The following LENG8 variants were observed in gnomAD, a reference collection of about 807,000 sequenced individuals.
LENG8 encodes the protein leukocyte receptor cluster (LRC) member 8.
A neutral mutation model predicts 102.1 loss-of-function variants in LENG8; 28 were observed. The observed-to-expected ratio is 0.27, with a 90% CI of 0.20 to 0.38. LENG8 has a LOEUF of 0.38. Ranked by LOEUF, LENG8 falls within the 10% of genes least tolerant of loss-of-function variation. The pLI is 1.00. For synonymous variants in LENG8, 531 were observed against 456.7 expected, an observed-to-expected ratio of 1.16 and a Z score of -2.07; for missense variants, 1,022 against 1,113.9, an observed-to-expected ratio of 0.92 and a Z score of 1.17.
At chr19:54,457,319 C>G (rs1393108101) in intron 11 of LENG8, among the ~76,000 whole-genome samples, 1 of 152,188 alleles carries the variant, frequency 6.6e-6, no homozygotes, top group South Asian at 2.1e-4. Context: ...GAGGTGGCCA[C>G]TCTTAACCCA....
At chr19:54,458,675 C>T (rs1462652633) in intron 15 of LENG8, 154 bp downstream of exon 15, 3 of 1,551,934 alleles carry the variant, frequency 1.9e-6, no homozygotes, top group Middle Eastern at 1.7e-4. Flanking sequence ...CAGCCCTCCC[C>T]TCTCCAGTTC....
At chr19:54,455,838 T>C (rs1018270669) in intron 8 of LENG8, 129 bp from the exon 9 acceptor site, 2 of 1,017,394 alleles carry the variant, frequency 2.0e-6, no homozygotes, top group East Asian at 2.6e-5. Flanking sequence ...TTCTGCACTG[T>C]AGTAGCTGAG....
At position 54,461,474 on chromosome 19, in the gene LENG8, C is replaced by T. The variant is rs1455892743; in HGVS notation, c.*546C>T. On this transcript the variant is annotated 3_prime_UTR_variant, in exon 16 of 16. Transcript: ENST00000326764. ...GCTTAGAGACTGTGCCCGTCCTCGG[C>T]CCCCCACCCTGAAGTGCCAGCACCA... The T allele has an allele frequency of 4.3e-6, 2 of 462,386 alleles. No homozygotes were observed. The highest frequency in any genetic ancestry group is 4.7e-5 in the Admixed American group (2 of 42,250). The allele number at this position is 462,386 out of a possible 1,614,324, so 28.6% of individuals were successfully genotyped here. A position where few individuals can be genotyped will look rare whatever the true frequency, so the allele number is the denominator to read the frequency against.
rs944925789 is a variant in LENG8, at chr19:54,461,610, T to A, written c.*682T>A. 2.1e-6 allele frequency: 1 copy of A among 472,028 alleles called. No individual in the cohort carries two copies. The highest frequency in any genetic ancestry group is 4.4e-6 in the Non-Finnish European group (1 of 227,934). 29.2% of individuals were successfully genotyped at this position (472,028 alleles called of 1,614,324 possible). Reference sequence around the variant, plus strand: ...TGTCCCCTCCTCCCTCTGCCCCCAGTGTTTCTTCTGATTTTTTTTTCCCCT... The same window carrying A: ...TGTCCCCTCCTCCCTCTGCCCCCAGAGTTTCTTCTGATTTTTTTTTCCCCT... On this transcript the variant is annotated 3_prime_UTR_variant, in exon 16 of 16. Coordinates refer to ENST00000326764, the MANE Select transcript of LENG8 (RefSeq NM_052925.4).
Position 54,456,068 on chromosome 19 carries a change from G to A in LENG8, c.1127G>A (p.Gly376Glu), listed in dbSNP as rs2084222535. ...PRGAGSATRGGGAPSQRGTPG... is the reference protein window; with the variant it reads ...PRGAGSATRGEGAPSQRGTPG... ...GGGGCAGGCTCGGCGACAAGGGGCGGGGGTGCCCCGTCCCAGCGAGGGACG... is the reference window on the plus strand; with the variant it reads ...GGGGCAGGCTCGGCGACAAGGGGCGAGGGTGCCCCGTCCCAGCGAGGGACG... Residue 376 changes from glycine to glutamate, a missense_variant, in exon 9 of 16, where the codon GGG becomes GAG. By Grantham distance (98) the Gly-to-Glu change is moderately conservative. This residue lies in a region of LENG8 where 326 missense variants were observed against 324.5 expected (regional missense o/e 1.00). Coordinates refer to ENST00000326764, the MANE Select transcript of LENG8 (RefSeq NM_052925.4). 1 of 1,610,252 alleles carries A rather than the reference G, an allele frequency of 6.2e-7. No homozygotes were observed. The highest frequency in any genetic ancestry group is 8.5e-7 in the Non-Finnish European group (1 of 1,177,666).
At position 54,451,308 on chromosome 19, in the gene LENG8, G is replaced by T; in HGVS notation, c.-37G>T. The stretch of plus-strand genomic sequence containing the variant: ...CTCATAGACAGTGAAAAAGCAGTCT[G>T]GCTCCCGAGGTCCACCCCTTATACC... On this transcript the variant is annotated 5_prime_UTR_variant, in exon 2 of 16. Coordinates refer to ENST00000326764, the MANE Select transcript of LENG8 (RefSeq NM_052925.4). The T allele has an allele frequency of 6.2e-7, 1 of 1,612,724 alleles. No individual in the cohort carries two copies. Among genetic ancestry groups the T allele is most frequent in the Non-Finnish European group, 8.5e-7 (1 of 1,178,710 alleles).
intron 4 of LENG8, 88 bp downstream of exon 4, chr19:54,452,840 T>C (rs963352): frequency 0.41 from 374,096 of 901,882 alleles, 81,210 homozygotes; most frequent in East Asian, 0.62. Context: ...GGGATGGGGC[T>C]GGGTGGTGGA....
chr19:54,459,913 T>C, intron 15 of LENG8: 1 of 1,180,720 alleles, frequency 8.5e-7, no homozygotes, highest in Non-Finnish European at 1.1e-6. Context: ...GCTTCTGTGC[T>C]ACACAGGGGT....
In LENG8 at chr19:54,460,942, A is replaced by AGGGGCG. The variant is rs574239111; in HGVS notation, c.*20_*25dup. On this transcript the variant is annotated 3_prime_UTR_variant, in exon 16 of 16. Transcript: ENST00000326764. Reference sequence around the variant, plus strand: ...TCAGCCTTCTGAGCACCCAGCGAGGAGGGGCGGGGGCAGGGGCTGCAGCCC... The same window carrying AGGGGCG: ...TCAGCCTTCTGAGCACCCAGCGAGGAGGGGCGGGGGCGGGGGCAGGGGCTGCAGCCC... 2.0e-5 allele frequency: 31 copies of AGGGGCG among 1,542,134 alleles called. 1 individual carries two copies. In the South Asian group the frequency reaches 2.7e-4, roughly 14 times the overall value.
At position 54,461,884 on chromosome 19, in the gene LENG8, T is replaced by C; in HGVS notation, c.*956T>C. On this transcript the variant is annotated 3_prime_UTR_variant, in exon 16 of 16. Transcript: ENST00000326764. ...ACAGCTGGACTGTCAGGCTGCTTTT[T>C]TTCCAGATGTTCCTCCTCTGCCTCC... 1 of 762,124 alleles carries C rather than the reference T, an allele frequency of 1.3e-6. No homozygotes were observed. Among genetic ancestry groups the C allele is most frequent in the Non-Finnish European group, 2.4e-6 (1 of 420,714 alleles). 47.2% of individuals were successfully genotyped at this position (762,124 alleles called of 1,614,324 possible).
chr19:54,461,890 G>C lies in LENG8; in HGVS notation c.*962G>C, dbSNP rs1431881775. 1.9e-5 allele frequency: 14 copies of C among 744,170 alleles called. No individual in the cohort carries two copies. The highest frequency in any genetic ancestry group is 3.2e-5 in the Non-Finnish European group (13 of 411,782). The allele number at this position is 744,170 out of a possible 1,614,324, so 46.1% of individuals were successfully genotyped here. A position where few individuals can be genotyped will look rare whatever the true frequency, so the allele number is the denominator to read the frequency against. On this transcript the variant is annotated 3_prime_UTR_variant, in exon 16 of 16. Coordinates refer to ENST00000326764, the MANE Select transcript of LENG8 (RefSeq NM_052925.4). The stretch of plus-strand genomic sequence containing the variant: ...GGACTGTCAGGCTGCTTTTTTTCCA[G>C]ATGTTCCTCCTCTGCCTCCCCTTCC...
At chr19:54,453,429 A>G (rs4806762) in intron 4 of LENG8, 117 bp from the exon 5 acceptor site, 288,093 of 686,348 alleles carry the variant, frequency 0.42, 62,899 homozygotes, top group East Asian at 0.62. Flanking sequence ...TAATATAGTG[A>G]AGAGAGAAAG....
rs778935110 is a variant in LENG8, at chr19:54,456,402, AGGGCCG to A, written c.1387_1392del (p.Arg463_Gly464del). The stretch of plus-strand genomic sequence containing the variant: ...GTGGGCCGCAGGAACCCGCCCCCTA[AGGGCCG>A]GGGCGGTCGAGGGGCCCATATGGAT... On this transcript the variant is annotated inframe_deletion, in exon 10 of 16. Transcript: ENST00000326764. 6 of 1,611,374 alleles carry A rather than the reference AGGGCCG, an allele frequency of 3.7e-6. No homozygotes were observed. The Admixed American group carries it at 1.0e-4, about 27-fold the overall frequency.
chr19:54,449,732 G>C (rs2083860354), intron 1 of LENG8: 1 of 152,454 alleles, frequency 6.6e-6, no homozygotes, highest in Admixed American at 6.5e-5. Context: ...CGCCCAGCCT[G>C]CGGGACGGCC....
rs1053132543 is a variant in LENG8 at position 54,454,638 on chromosome 19, C to G, written c.635C>G (p.Pro212Arg). 5.6e-6 allele frequency: 9 copies of G among 1,607,364 alleles called. No individual in the cohort carries two copies. The highest frequency in any genetic ancestry group is 1.7e-5 in the Admixed American group (1 of 59,742). The change falls in exon 6 of 16, where the codon CCT becomes CGT. Residue 212 changes from proline (P) to arginine (R), a missense_variant. This residue lies in a region of LENG8 where 343 missense variants were observed against 320.2 expected (regional missense o/e 1.07). Transcript: ENST00000326764. ...TATGGGCCACACACCTACACCGAAC[C>G]TGCCAAGCCCAAGAAGGGCCAACAG... Reference protein sequence around the residue: ...QAYGPHTYTEPAKPKKGQQLW... With the variant: ...QAYGPHTYTERAKPKKGQQLW...
At chr19:54,449,333 AGGCGGGCG>A (rs2083818278) in intron 1 of LENG8, 23 bp downstream of exon 1, 1 of 152,304 alleles carries the variant, frequency 6.6e-6, no homozygotes, top group African/African-American at 2.4e-5. Context: ...GCAGGCGAGC[AGGCGGGCG>A]GGGATAGCAT....
Position 54,459,317 on chromosome 19 carries a change from A to G in LENG8, c.2240+796A>G, listed in dbSNP as rs970443879. On this transcript the variant is annotated intron_variant, in intron 15 of 15. Transcript: ENST00000326764. ...GGAGAAATTCTGGTCGAAGAGGTTG[A>G]CCGGTAGACTGAAGAGGCCTTGAGA... 1.8e-5 allele frequency: 18 copies of G among 1,006,320 alleles called. No individual in the cohort carries two copies. In the East Asian group the frequency reaches 9.0e-4, roughly 50 times the overall value. 62.3% of individuals were successfully genotyped at this position (1,006,320 alleles called of 1,614,324 possible).
At position 54,455,591 on chromosome 19, in the gene LENG8, G is replaced by C. The variant is rs2084185363; in HGVS notation, c.1025+24G>C. On this transcript the variant is annotated intron_variant, in intron 8 of 15. Coordinates refer to ENST00000326764, the MANE Select transcript of LENG8 (RefSeq NM_052925.4). ...GGGTTAGTCTGGGTGGGGGACATAG[G>C]TGGGAGGGTGGTGCTGTGAGAGGCA... is the stretch of plus-strand genomic sequence containing the variant. The C allele has an allele frequency of 3.1e-6, 5 of 1,587,382 alleles. No homozygotes were observed. The African/African-American group carries it at 5.4e-5, about 17-fold the overall frequency.
chr19:54,460,627 G>T, intron 15 of LENG8, 139 bp from the exon 16 acceptor site: 5 of 1,432,152 alleles, frequency 3.5e-6, no homozygotes, highest in Non-Finnish European at 4.6e-6. Flanking sequence ...TGGGGAGGCT[G>T]GGAGGCGGGT....
Sources: gnomAD v4.1 joint callset for allele counts (sites outside exome capture counted in the v4.1 genomes callset) on GRCh38, gnomAD v4.1.1 for gene constraint, gnomAD v4.1.1 regional missense constraint, MANE v1.5 for transcripts, NCBI Gene and HGNC (gene_info 2026-07-23, HGNC 2026-07-21) for gene names.